Variants in GRID1 observed in about 807,000 individuals in gnomAD.
The protein encoded by GRID1 is glutamate receptor ionotropic, delta-1.
In GRID1, 28 loss-of-function variants were observed where a neutral mutation model predicts 98.0. The observed-to-expected ratio is 0.29, with a 90% CI of 0.21 to 0.39. The LOEUF (loss-of-function observed/expected upper bound fraction) is 0.39. Ranked by LOEUF, GRID1 falls within the 10% of genes least tolerant of loss-of-function variation. The pLI, the probability that GRID1 is intolerant of heterozygous loss-of-function variation, is 1.00. For synonymous variants in GRID1, 553 were observed against 538.5 expected, an observed-to-expected ratio of 1.03 and a Z score of -0.37; for missense variants, 1,111 against 1,340.5, an observed-to-expected ratio of 0.83 and a Z score of 2.67.
chr10:86,078,751 T>C (rs74148922), intron 4 of GRID1, among the ~76,000 whole-genome samples: 3,528 of 152,314 alleles, frequency 0.023, 133 homozygotes, highest in African/African-American at 0.08. Flanking sequence ...GGAAGGTGTC[T>C]GGCCCCAGCC....
intron 12 of GRID1, among the ~76,000 whole-genome samples, chr10:85,717,320 CAA>C (rs112453811): frequency 4.5e-5 from 6 of 132,008 alleles, no homozygotes; most frequent in South Asian, 2.4e-4. Flanking sequence ...AAACTGGGAA[CAA>C]AAAAAAAAAA....
chr10:86,151,489 G>A (rs764793721), intron 3 of GRID1, among the ~76,000 whole-genome samples: 72 of 152,018 alleles, frequency 4.7e-4, no homozygotes, highest in Non-Finnish European at 7.9e-4. Context: ...CAGAGAGACC[G>A]TGCAGCAGGC....
intron 8 of GRID1, among the ~76,000 whole-genome samples, chr10:85,782,594 A>G (rs118045210): frequency 7.2e-5 from 11 of 152,378 alleles, no homozygotes; most frequent in Non-Finnish European, 1.3e-4. Context: ...ATTGAAGAAG[A>G]GTTATTTGAG....
At chr10:86,094,788 G>A (rs560679211) in intron 4 of GRID1, among the ~76,000 whole-genome samples, 3 of 150,504 alleles carry the variant, frequency 2.0e-5, no homozygotes, top group South Asian at 2.1e-4. Context: ...CAAATTCAAC[G>A]CAATCCCCAT....
chr10:86,252,053 G>A (rs1846844483), intron 2 of GRID1, among the ~76,000 whole-genome samples: 1 of 152,224 alleles, frequency 6.6e-6, no homozygotes, highest in South Asian at 2.1e-4. Flanking sequence ...TGAGGAAACT[G>A]AGGCTCTGAC....
chr10:85,760,287 G>A (rs1364555100), intron 8 of GRID1, among the ~76,000 whole-genome samples: 1 of 152,162 alleles, frequency 6.6e-6, no homozygotes, highest in Non-Finnish European at 1.5e-5. Flanking sequence ...TTAGATGCCT[G>A]ACATATGGCA....
At chr10:85,833,484 C>G (rs1279879317) in intron 8 of GRID1, among the ~76,000 whole-genome samples, 1 of 148,602 alleles carries the variant, frequency 6.7e-6, no homozygotes, top group East Asian at 2.0e-4. Flanking sequence ...AAAAGTAGGC[C>G]AGACATGTGT....
intron 2 of GRID1, among the ~76,000 whole-genome samples, chr10:86,237,159 T>C (rs1194896770): frequency 6.6e-6 from 1 of 152,154 alleles, no homozygotes; most frequent in Middle Eastern, 3.2e-3. Context: ...TTACCTCCTA[T>C]GTTAAGGGCT....
intron 4 of GRID1, among the ~76,000 whole-genome samples, chr10:86,099,560 T>C (rs1844266284): frequency 6.6e-6 from 1 of 152,078 alleles, no homozygotes; most frequent in Non-Finnish European, 1.5e-5. Flanking sequence ...AGTTTCACAT[T>C]GGAGCACAGT....
At chr10:86,050,092 G>A (rs141603269) in intron 4 of GRID1, among the ~76,000 whole-genome samples, 119 of 152,304 alleles carry the variant, frequency 7.8e-4, no homozygotes, top group African/African-American at 2.5e-3. Context: ...TCAGCCAGGC[G>A]TGATTCCACA....
chr10:86,103,519 A>G (rs984792048), intron 4 of GRID1, among the ~76,000 whole-genome samples: 2 of 152,224 alleles, frequency 1.3e-5, no homozygotes, highest in Admixed American at 6.5e-5. Context: ...GGCTCCCCCA[A>G]GCAAGCGTCA....
intron 14 of GRID1, among the ~76,000 whole-genome samples, chr10:85,615,542 T>A (rs1842778489): frequency 1.3e-5 from 2 of 152,206 alleles, no homozygotes; most frequent in African/African-American, 2.4e-5. Context: ...GTCCTTTAAG[T>A]GCTTAGGGCA....
intron 12 of GRID1, among the ~76,000 whole-genome samples, chr10:85,659,450 A>G (rs1840939695): frequency 6.6e-6 from 1 of 152,230 alleles, no homozygotes; most frequent in Non-Finnish European, 1.5e-5. Flanking sequence ...TGAAGGAATC[A>G]CAGCACACAA....
intron 8 of GRID1, among the ~76,000 whole-genome samples, chr10:85,738,035 T>G (rs762927520): frequency 6.6e-6 from 1 of 151,908 alleles, no homozygotes; most frequent in Non-Finnish European, 1.5e-5. Context: ...GGCCCTAGAC[T>G]CAAGGGAGGC....
chr10:86,026,950 A>G (rs1383064739), intron 4 of GRID1, among the ~76,000 whole-genome samples: 1 of 152,216 alleles, frequency 6.6e-6, no homozygotes. Flanking sequence ...GCGTGGAGAC[A>G]AAGAAACAAC....
At chr10:85,664,715 G>A (rs1022133037) in intron 12 of GRID1, among the ~76,000 whole-genome samples, 3 of 152,148 alleles carry the variant, frequency 2.0e-5, no homozygotes, top group South Asian at 2.1e-4. Context: ...ATCCAGGAGG[G>A]CGCAATAGGT....
At chr10:85,602,913 C>T (rs1272782866) in intron 15 of GRID1, among the ~76,000 whole-genome samples, 1 of 152,136 alleles carries the variant, frequency 6.6e-6, no homozygotes, top group Non-Finnish European at 1.5e-5. Context: ...CCCTATGTAG[C>T]AAAGAAGATG....
At chr10:86,097,188 T>C (rs938952797) in intron 4 of GRID1, among the ~76,000 whole-genome samples, 3 of 152,186 alleles carry the variant, frequency 2.0e-5, no homozygotes, top group African/African-American at 7.2e-5. Flanking sequence ...TGTCTCTGGC[T>C]CAAAGACAGC....
At position 86,016,137 on chromosome 10, in the gene GRID1, G is replaced by C. The variant is rs182318277; in HGVS notation, c.727-99898C>G. 2.1e-3 allele frequency among the ~76,000 whole-genome samples: 313 copies of C among 150,146 alleles called. 4 individuals are homozygous for C. Among genetic ancestry groups the C allele is most frequent in the African/African-American group, 7.4e-3 (305 of 41,102 alleles). ...GTTAAATAGTCAGACTGACCCCAAAGAGCACCATCTTTTTTTTTTTTTTTT... is the reference window on the plus strand; with the variant it reads ...GTTAAATAGTCAGACTGACCCCAAACAGCACCATCTTTTTTTTTTTTTTTT... On this transcript the variant is annotated intron_variant, in intron 4 of 15. Coordinates refer to ENST00000327946, the MANE Select transcript of GRID1 (RefSeq NM_017551.3).
Sources: allele counts gnomAD v4.1 joint callset (sites outside exome capture counted in the v4.1 genomes callset), GRCh38; gene constraint gnomAD v4.1.1; transcripts MANE v1.5; gene names NCBI Gene and HGNC (gene_info 2026-07-23, HGNC 2026-07-21).